Variants in SHISA9 observed in about 807,000 individuals in gnomAD.
SHISA9 encodes protein shisa-9.
SHISA9 carries 13 observed loss-of-function variants against 38.0 expected under a neutral mutation model. The observed-to-expected ratio is 0.34, with a 90% CI of 0.22 to 0.54. The LOEUF is 0.54. SHISA9 is among the 20% of genes least tolerant of loss of function. The pLI, the probability that SHISA9 is intolerant of heterozygous loss-of-function variation, is 0.91. For synonymous variants in SHISA9, 275 were observed against 242.0 expected (o/e 1.14, Z -1.27); for missense variants, 538 against 575.8 (o/e 0.93, Z 0.67).
intron 4 of SHISA9, among the ~76,000 whole-genome samples, chr16:13,215,712 T>C (rs1364263307): frequency 1.3e-5 from 2 of 152,094 alleles, no homozygotes; most frequent in African/African-American, 4.8e-5. Flanking sequence ...AAGGCACCTT[T>C]ATCCTGCCTT....
intron 2 of SHISA9, among the ~76,000 whole-genome samples, chr16:13,039,739 C>T (rs2073113276): frequency 6.6e-6 from 1 of 152,110 alleles, no homozygotes; most frequent in Admixed American, 6.5e-5. Context: ...CACACCTGTT[C>T]TTTGTCAAAG....
intron 2 of SHISA9, among the ~76,000 whole-genome samples, chr16:13,109,887 C>A (rs1455515629): frequency 6.6e-6 from 1 of 152,048 alleles, no homozygotes; most frequent in East Asian, 1.9e-4. Context: ...ATGGATAGAC[C>A]ACTCCATTCA....
At chr16:13,013,580 T>C (rs1038506452) in intron 2 of SHISA9, among the ~76,000 whole-genome samples, 1 of 152,146 alleles carries the variant, frequency 6.6e-6, no homozygotes, top group Non-Finnish European at 1.5e-5. Flanking sequence ...TCATCAAATA[T>C]CCTGTTATAA....
chr16:13,179,087 G>A (rs191260419), intron 2 of SHISA9, among the ~76,000 whole-genome samples: 125 of 152,262 alleles, frequency 8.2e-4, no homozygotes, highest in African/African-American at 2.9e-3. Context: ...TTGGGAGGCC[G>A]ACGTGGGCAG....
chr16:13,012,268 G>A (rs2072687465), intron 2 of SHISA9, among the ~76,000 whole-genome samples: 2 of 152,318 alleles, frequency 1.3e-5, no homozygotes, highest in South Asian at 4.1e-4. Context: ...GAGTGACCCT[G>A]GGGTGAGAAG....
chr16:13,424,215 C>T, the SHISA9 span, among the ~76,000 whole-genome samples: 1 of 74,050 alleles, frequency 1.4e-5, no homozygotes, highest in Non-Finnish European at 2.9e-5. Context: ...CCAGTCCTCT[C>T]CTGAATATCT....
intron 2 of SHISA9, among the ~76,000 whole-genome samples, chr16:12,937,524 C>A (rs1228857844): frequency 2.6e-5 from 4 of 152,218 alleles, no homozygotes; most frequent in Non-Finnish European, 5.9e-5. Flanking sequence ...GTGGCTTAAA[C>A]AACAGGAATT....
At chr16:13,383,221 A>G in the SHISA9 span, among the ~76,000 whole-genome samples, 1 of 152,236 alleles carries the variant, frequency 6.6e-6, no homozygotes, top group African/African-American at 2.4e-5. Flanking sequence ...GGCCTTTCTC[A>G]TCAGGGAAGA....
At chr16:13,542,498 T>G in the SHISA9 span, among the ~76,000 whole-genome samples, 1 of 152,146 alleles carries the variant, frequency 6.6e-6, no homozygotes, top group Non-Finnish European at 1.5e-5. Context: ...CACAGCCCCC[T>G]AGAGGGCAGA....
chr16:13,010,690 T>C (rs1263821168), intron 2 of SHISA9, among the ~76,000 whole-genome samples: 1 of 150,096 alleles, frequency 6.7e-6, no homozygotes, highest in African/African-American at 2.4e-5. Flanking sequence ...TGGTGGTTCT[T>C]GCCTGTAATC....
chr16:13,431,820 G>T, the SHISA9 span, among the ~76,000 whole-genome samples: 1 of 152,158 alleles, frequency 6.6e-6, no homozygotes, highest in Non-Finnish European at 1.5e-5. Context: ...CAGAACTTTG[G>T]GAGGCTGAGG....
intron 2 of SHISA9, among the ~76,000 whole-genome samples, chr16:13,190,849 A>G (rs1228646626): frequency 6.6e-6 from 1 of 152,154 alleles, no homozygotes. Flanking sequence ...ATGCTCAAAC[A>G]TATAAACTCT....
rs187533 is a variant in SHISA9, at chr16:13,176,182, T to C, written c.692-27212T>C. ...TTCTTTACTCAGTTTATTCTACCTT[T>C]ATCCTTGTCCCTAAGACTGTATCTA... On this transcript the variant is annotated intron_variant, in intron 2 of 4. Transcript: ENST00000558583. Among the ~76,000 whole-genome samples the C allele has an allele frequency of 7.5e-3, 1,139 of 152,294 alleles. 33 individuals carry two copies. The highest frequency in any genetic ancestry group is 0.068 in the East Asian group (353 of 5,180).
chr16:13,550,121 T>C, the SHISA9 span, among the ~76,000 whole-genome samples: 2 of 151,800 alleles, frequency 1.3e-5, no homozygotes, highest in Non-Finnish European at 2.9e-5. Flanking sequence ...AAAAGGGAAC[T>C]ACAGCAAGTG....
intron 2 of SHISA9, among the ~76,000 whole-genome samples, chr16:13,094,039 T>C (rs2073801713): frequency 6.6e-6 from 1 of 152,140 alleles, no homozygotes; most frequent in Non-Finnish European, 1.5e-5. Flanking sequence ...AGGTCTCCTA[T>C]ACCAAGGAGG....
the SHISA9 span, among the ~76,000 whole-genome samples, chr16:13,394,689 C>T: frequency 0.041 from 6,213 of 152,234 alleles, 263 homozygotes; most frequent in African/African-American, 0.11. Flanking sequence ...CTCTTTGTGC[C>T]GTGTTCTTCC....
intron 2 of SHISA9, among the ~76,000 whole-genome samples, chr16:12,927,782 C>T (rs1016806073): frequency 5.3e-5 from 8 of 152,092 alleles, no homozygotes; most frequent in African/African-American, 1.9e-4. Context: ...GATCTGTCCC[C>T]GGTGCTGAAC....
chr16:12,914,268 A>G (rs1303211398), intron 1 of SHISA9, among the ~76,000 whole-genome samples: 2 of 149,220 alleles, frequency 1.3e-5, no homozygotes, highest in African/African-American at 2.5e-5. Flanking sequence ...CTGGTCTCGA[A>G]CTCCTGACCT....
chr16:13,536,775 G>C, the SHISA9 span, among the ~76,000 whole-genome samples: 3 of 152,186 alleles, frequency 2.0e-5, no homozygotes, highest in African/African-American at 7.2e-5. Context: ...TGTGGGGGTG[G>C]AAATAGGCAT....
Sources: gnomAD v4.1 joint callset for allele counts (sites outside exome capture counted in the v4.1 genomes callset) on GRCh38, gnomAD v4.1.1 for gene constraint, MANE v1.5 for transcripts, NCBI Gene and HGNC (gene_info 2026-07-23, HGNC 2026-07-21) for gene names.